Variants in ZNF787 observed in about 807,000 individuals in gnomAD.
ZNF787 encodes TTF-I-interacting peptide 20.
A neutral mutation model predicts 16.9 loss-of-function variants in ZNF787; 7 were observed. The ratio of observed to expected loss-of-function variants is 0.42; its 90% CI spans 0.24 to 0.78. The LOEUF is 0.78. Ranked by LOEUF, ZNF787 falls within the 30% of genes least tolerant of loss-of-function variation. ZNF787 has a pLI of 0.30. For missense variants in ZNF787, 551 were observed against 589.3 expected, an observed-to-expected ratio of 0.94 and a Z score of 0.67; for synonymous variants, 345 against 270.9, an observed-to-expected ratio of 1.27 and a Z score of -2.69.
intron 2 of ZNF787, among the ~76,000 whole-genome samples, chr19:56,097,752 T>C (rs1985925477): frequency 6.6e-6 from 1 of 152,188 alleles, no homozygotes; most frequent in African/African-American, 2.4e-5. Flanking sequence ...GCCAGTTTAC[T>C]AAAATGAAGG....
chr19:56,109,957 G>C (rs1331466137), intron 1 of ZNF787, among the ~76,000 whole-genome samples: 1 of 152,184 alleles, frequency 6.6e-6, no homozygotes, highest in East Asian at 1.9e-4. Flanking sequence ...CTCTGCCAGA[G>C]ACCCAAGGAG....
intron 1 of ZNF787, among the ~76,000 whole-genome samples, chr19:56,114,697 G>A (rs1415633601): frequency 1.1e-4 from 17 of 152,154 alleles, no homozygotes; most frequent in Admixed American, 1.0e-3. Flanking sequence ...CACGAGCGTG[G>A]TGATATCACT....
At chr19:56,096,242 A>T (rs907567914) in intron 2 of ZNF787, among the ~76,000 whole-genome samples, 8 of 129,238 alleles carry the variant, frequency 6.2e-5, no homozygotes, top group African/African-American at 2.4e-4. Flanking sequence ...AAAATAAAAA[A>T]AATAAAAAAA....
rs751209452 is a variant in ZNF787, at chr19:56,088,748, G to A, written c.424C>T (p.Arg142Cys). 1 of 1,611,344 alleles carries A rather than the reference G, an allele frequency of 6.2e-7. No individual in the cohort carries two copies. The highest frequency in any genetic ancestry group is 1.7e-5 in the Admixed American group (1 of 59,824). The change falls in exon 3 of 3, where the codon CGC becomes TGC. Residue 142 changes from arginine to cysteine, a missense_variant. Coordinates refer to ENST00000610935, the MANE Select transcript of ZNF787 (RefSeq NM_001002836.4). This position sits in a 1 kb window ranked among gnomAD's most constrained non-coding sequence, Gnocchi z 8.6. Reference sequence around the variant, plus strand: ...TAGGGCTTCTCGCCCGTGTGGATGCGCTGGTGCTGCATGAGGTTGGAGCTC... The same window carrying A: ...TAGGGCTTCTCGCCCGTGTGGATGCACTGGTGCTGCATGAGGTTGGAGCTC... Reference protein sequence around the residue: ...SWSSNLMQHQRIHTGEKPYTC... With the variant: ...SWSSNLMQHQCIHTGEKPYTC...
intron 2 of ZNF787, among the ~76,000 whole-genome samples, chr19:56,098,977 C>T (rs1211454401): frequency 2.0e-5 from 3 of 152,184 alleles, no homozygotes; most frequent in Admixed American, 2.0e-4. Flanking sequence ...GGGGCTGAGG[C>T]ACTGCCTCGG....
intron 2 of ZNF787, among the ~76,000 whole-genome samples, chr19:56,089,626 C>G (rs1015055080): frequency 6.6e-6 from 1 of 152,176 alleles, no homozygotes; most frequent in Non-Finnish European, 1.5e-5. Context: ...GAAGACAATC[C>G]TGGCTGCAGA....
At chr19:56,091,590 C>T (rs888632097) in intron 2 of ZNF787, among the ~76,000 whole-genome samples, 1 of 152,212 alleles carries the variant, frequency 6.6e-6, no homozygotes, top group Non-Finnish European at 1.5e-5. Context: ...CCTCTAGAGG[C>T]AAACTGGGAG....
At chr19:56,098,552 C>T (rs61172706) in intron 2 of ZNF787, among the ~76,000 whole-genome samples, 14,137 of 125,026 alleles carry the variant, frequency 0.11, 1,290 homozygotes, top group East Asian at 0.31. Context: ...ATATGGCCGC[C>T]GGGTGATGGA....
chr19:56,097,232 G>C (rs568739770), intron 2 of ZNF787, among the ~76,000 whole-genome samples: 2 of 152,350 alleles, frequency 1.3e-5, no homozygotes, highest in African/African-American at 4.8e-5. Context: ...CACACAGGAC[G>C]TGATTATGAA....
intron 1 of ZNF787, among the ~76,000 whole-genome samples, chr19:56,104,478 T>G (rs1025347046): frequency 8.7e-6 from 1 of 114,374 alleles, no homozygotes; most frequent in African/African-American, 3.5e-5. Context: ...ACCGGGAGGG[T>G]CCCTACGCAC....
intron 1 of ZNF787, 163 bp from the exon 2 acceptor site, chr19:56,103,390 T>C: frequency 1.8e-6 from 1 of 566,156 alleles, no homozygotes; most frequent in East Asian, 3.1e-5. Context: ...GGCCTGGAGC[T>C]AGCCTGGCCG....
chr19:56,095,969 T>C (rs936797398), intron 2 of ZNF787, among the ~76,000 whole-genome samples: 1 of 152,160 alleles, frequency 6.6e-6, no homozygotes, highest in African/African-American at 2.4e-5. Flanking sequence ...TGGGGATAAC[T>C]TAGGACCTAG....
intron 2 of ZNF787, among the ~76,000 whole-genome samples, chr19:56,093,458 C>T (rs1000831436): frequency 3.3e-5 from 5 of 152,142 alleles, no homozygotes; most frequent in African/African-American, 7.2e-5. Context: ...CTGTGCTGCA[C>T]GCACCGTCCT....
intron 1 of ZNF787, among the ~76,000 whole-genome samples, chr19:56,120,848 C>T (rs1170015165): frequency 1.4e-5 from 2 of 145,240 alleles, no homozygotes; most frequent in Non-Finnish European, 3.1e-5. Flanking sequence ...CCACCGAGGC[C>T]CCCGCTCCTG....
At position 56,087,581 on chromosome 19, in the gene ZNF787, A is replaced by G. The variant is rs1451297892; in HGVS notation, c.*442T>C. On this transcript the variant is annotated 3_prime_UTR_variant, in exon 3 of 3. Transcript: ENST00000610935. ...GTCAAAAGGTGGGCTGATTAAAAGA[A>G]AATTCTAAAAGAGAAAAGGGCCCCT... The G allele has an allele frequency of 7.0e-6, 1 of 142,058 alleles. No individual in the cohort carries two copies. Among genetic ancestry groups the G allele is most frequent in the Non-Finnish European group, 1.5e-5 (1 of 64,650 alleles). The allele number at this position is 142,058 out of a possible 1,614,324, so 8.8% of individuals were successfully genotyped here.
intron 2 of ZNF787, chr19:56,102,386 G>C (rs140935400): frequency 0.013 from 1,968 of 155,392 alleles, 23 homozygotes; most frequent in South Asian, 0.02. Flanking sequence ...AGCAAGGAGA[G>C]AAGCTGCCGC....
intron 1 of ZNF787, among the ~76,000 whole-genome samples, chr19:56,108,043 G>A (rs1310919077): frequency 6.6e-6 from 1 of 152,090 alleles, no homozygotes; most frequent in Non-Finnish European, 1.5e-5. Flanking sequence ...GGCCGGCAGG[G>A]CGAGACCCTC....
chr19:56,114,888 G>C (rs1357119083), intron 1 of ZNF787, among the ~76,000 whole-genome samples: 2 of 151,998 alleles, frequency 1.3e-5, no homozygotes, highest in Non-Finnish European at 2.9e-5. Context: ...TCTGCTCCCA[G>C]CTCAAGAAGC....
chr19:56,088,015 CCCCTCCCCTACCGG>C lies in ZNF787; in HGVS notation c.1143_*7del. 1.0e-5 allele frequency: 12 copies of C among 1,204,320 alleles called. No homozygotes were observed. Among genetic ancestry groups the C allele is most frequent in the Non-Finnish European group, 1.2e-5 (12 of 968,720 alleles). 74.6% of individuals were successfully genotyped at this position (1,204,320 alleles called of 1,614,324 possible). Reference sequence around the variant, plus strand: ...GGCCCTGCCCGCCCCCCCCCCCGGGCCCCTCCCCTACCGGCCCTCCCCACCGCGGCACTCGGGGC... The same window carrying C: ...GGCCCTGCCCGCCCCCCCCCCCGGGCCCCTCCCCACCGCGGCACTCGGGGC... On this transcript the variant is annotated stop_lost and 3_prime_UTR_variant, in exon 3 of 3. Transcript: ENST00000610935. This position sits in a 1 kb window ranked among gnomAD's most constrained non-coding sequence, Gnocchi z 8.6.
Sources: allele counts gnomAD v4.1 joint callset (sites outside exome capture counted in the v4.1 genomes callset), GRCh38; gene constraint gnomAD v4.1.1; non-coding constraint Gnocchi (gnomAD v3.1); transcripts MANE v1.5; gene names NCBI Gene and HGNC (gene_info 2026-07-23, HGNC 2026-07-21).